Variants in STAG1 observed in about 807,000 individuals in gnomAD.
The protein encoded by STAG1 is cohesin subunit SA-1.
In STAG1, 26 loss-of-function variants were observed where a neutral mutation model predicts 170.9. The ratio of observed to expected loss-of-function variants is 0.15; its 90% CI spans 0.11 to 0.21. STAG1 has a LOEUF of 0.21. Ranked by LOEUF, STAG1 falls within the 10% of genes least tolerant of loss-of-function variation. The pLI is 1.00. For missense variants in STAG1, 964 were observed against 1,509.5 expected, an observed-to-expected ratio of 0.64 and a Z score of 5.99; for synonymous variants, 514 against 497.7, an observed-to-expected ratio of 1.03 and a Z score of -0.44.
intron 5 of STAG1, among the ~76,000 whole-genome samples, chr3:136,568,226 T>G (rs899456189): frequency 5.3e-5 from 8 of 152,138 alleles, no homozygotes; most frequent in Non-Finnish European, 1.2e-4. Flanking sequence ...TTAAGATTTA[T>G]CTAGAGAAGA....
intron 1 of STAG1, among the ~76,000 whole-genome samples, chr3:136,721,829 C>A (rs1277904949): frequency 6.6e-6 from 1 of 151,458 alleles, no homozygotes; most frequent in Non-Finnish European, 1.5e-5. Context: ...GAGGCTGAGG[C>A]AGAAGAATGG....
intron 1 of STAG1, among the ~76,000 whole-genome samples, chr3:136,751,825 C>A (rs1477147582): frequency 6.7e-6 from 1 of 149,892 alleles, no homozygotes; most frequent in Non-Finnish European, 1.5e-5. Context: ...GGGCGGAGGG[C>A]GGGCTTGGCG....
At chr3:136,734,684 GGTTT>G (rs1199042522) in intron 1 of STAG1, among the ~76,000 whole-genome samples, 1 of 151,894 alleles carries the variant, frequency 6.6e-6, no homozygotes, top group Non-Finnish European at 1.5e-5. Flanking sequence ...TAACCCTATT[GGTTT>G]GTTTTGTTGC....
chr3:136,496,696 T>C (rs759356399), intron 9 of STAG1, among the ~76,000 whole-genome samples: 20 of 152,056 alleles, frequency 1.3e-4, no homozygotes, highest in Non-Finnish European at 2.6e-4. Flanking sequence ...AGAAAAAAAG[T>C]GTCAAATCAA....
chr3:136,385,101 T>C (rs901469106), intron 22 of STAG1, among the ~76,000 whole-genome samples: 2 of 152,218 alleles, frequency 1.3e-5, no homozygotes, highest in Non-Finnish European at 2.9e-5. Flanking sequence ...ATTTTCTTTT[T>C]CCTAAATGAA....
At chr3:136,352,643 T>A (rs1006915516) in intron 28 of STAG1, among the ~76,000 whole-genome samples, 1 of 152,218 alleles carries the variant, frequency 6.6e-6, no homozygotes, top group Non-Finnish European at 1.5e-5. Context: ...TTTATGATAG[T>A]GCTTTTAGCT....
chr3:136,684,875 A>T (rs1348879141), intron 1 of STAG1, among the ~76,000 whole-genome samples: 1 of 152,134 alleles, frequency 6.6e-6, no homozygotes, highest in Non-Finnish European at 1.5e-5. Flanking sequence ...AAAAAATAAC[A>T]TTAAAGACCC....
chr3:136,461,677 T>C (rs1237251344), intron 13 of STAG1, among the ~76,000 whole-genome samples: 1 of 150,276 alleles, frequency 6.7e-6, no homozygotes, highest in Non-Finnish European at 1.5e-5. Flanking sequence ...CTCAATAGCA[T>C]GGGCAATAAA....
At chr3:136,727,117 C>T (rs6773054) in intron 1 of STAG1, among the ~76,000 whole-genome samples, 13,085 of 152,152 alleles carry the variant, frequency 0.086, 1,856 homozygotes, top group African/African-American at 0.3. Context: ...AGACAGCATT[C>T]ATCATAATAT....
Position 136,683,633 on chromosome 3 carries a change from A to T in STAG1, c.-83-52652T>A, listed in dbSNP as rs1942418225. Among the ~76,000 whole-genome samples, 6 of 152,144 alleles carry T rather than the reference A, an allele frequency of 3.9e-5. No homozygotes were observed. In the South Asian group the frequency reaches 1.2e-3, roughly 31 times the overall value. On this transcript the variant is annotated intron_variant, in intron 1 of 33. Transcript: ENST00000383202. ...GTGAGAAACTAGAAACTTTCCTACT[A>T]AGATAAGCAACAAGGCAAGGATGCC...
chr3:136,421,034 G>A, intron 20 of STAG1, 59 bp downstream of exon 20: 1 of 1,047,888 alleles, frequency 9.5e-7, no homozygotes, highest in Non-Finnish European at 1.4e-6. Context: ...GCCTCTCAAA[G>A]TGTTGGGGTT....
intron 1 of STAG1, among the ~76,000 whole-genome samples, chr3:136,714,982 ATATATATATTT>A: frequency 9.2e-6 from 1 of 108,208 alleles, no homozygotes; most frequent in Non-Finnish European, 2.1e-5. Flanking sequence ...ATATATTTTT[ATATATATATTT>A]TATATATATA....
At chr3:136,670,146 C>T (rs1941933161) in intron 1 of STAG1, among the ~76,000 whole-genome samples, 1 of 152,354 alleles carries the variant, frequency 6.6e-6, no homozygotes, top group African/African-American at 2.4e-5. Context: ...ATTATAGAAT[C>T]ATCCAATATT....
chr3:136,596,619 C>A (rs1265310893), intron 4 of STAG1, among the ~76,000 whole-genome samples: 1 of 152,106 alleles, frequency 6.6e-6, no homozygotes, highest in Non-Finnish European at 1.5e-5. Flanking sequence ...ATATAAAAAA[C>A]ATGATGTTAA....
intron 22 of STAG1, among the ~76,000 whole-genome samples, chr3:136,393,948 T>C (rs988049497): frequency 6.6e-6 from 1 of 152,042 alleles, no homozygotes; most frequent in South Asian, 2.1e-4. Flanking sequence ...TGTTGCCAGG[T>C]TGGAGTGCAG....
At chr3:136,509,353 C>A (rs1469455799) in intron 7 of STAG1, among the ~76,000 whole-genome samples, 3 of 147,690 alleles carry the variant, frequency 2.0e-5, no homozygotes, top group Admixed American at 1.4e-4. Context: ...GTATAATACA[C>A]TAAGGGGATT....
At position 136,723,221 on chromosome 3, in the gene STAG1, G is replaced by A. The variant is rs558930259; in HGVS notation, c.-84+28974C>T. 3.1e-4 allele frequency among the ~76,000 whole-genome samples: 47 copies of A among 150,910 alleles called. 2 individuals carry two copies. In the South Asian group the frequency reaches 9.6e-3, roughly 31 times the overall value. On this transcript the variant is annotated intron_variant, in intron 1 of 33. Transcript: ENST00000383202. Reference sequence around the variant, plus strand: ...TGGAAAGTGAGGAGCGTCTCTGCCCGGCTGCCATCCCATCTAGGAAATGAG... The same window carrying A: ...TGGAAAGTGAGGAGCGTCTCTGCCCAGCTGCCATCCCATCTAGGAAATGAG...
intron 4 of STAG1, among the ~76,000 whole-genome samples, chr3:136,572,111 AG>A (rs1210346762): frequency 1.3e-5 from 2 of 152,196 alleles, no homozygotes; most frequent in African/African-American, 4.8e-5. Flanking sequence ...GTTACTTAGG[AG>A]GCTGAGGCAC....
chr3:136,634,797 A>C (rs1360574210), intron 1 of STAG1, among the ~76,000 whole-genome samples: 1 of 152,194 alleles, frequency 6.6e-6, no homozygotes, highest in Admixed American at 6.5e-5. Context: ...AAAGGTAAAC[A>C]AAATTGACAT....
Sources: allele counts gnomAD v4.1 joint callset (sites outside exome capture counted in the v4.1 genomes callset), GRCh38; gene constraint gnomAD v4.1.1; transcripts MANE v1.5; gene names NCBI Gene and HGNC (gene_info 2026-07-23, HGNC 2026-07-21).